MTMR3: variants seen among roughly 807,000 people sequenced by gnomAD.
MTMR3 encodes myotubularin related protein 3.
In MTMR3, 32 loss-of-function variants were observed where a neutral mutation model predicts 132.4. The observed-to-expected ratio is 0.24, with a 90% confidence interval of 0.18 to 0.32. The LOEUF is 0.32. Ranked by LOEUF, MTMR3 falls within the 10% of genes least tolerant of loss-of-function variation. The probability of loss-of-function intolerance (pLI) is 1.00; values close to 1 mark genes in which losing one functional copy is unlikely to be tolerated. For synonymous variants in MTMR3, 556 were observed against 550.3 expected (o/e 1.01, Z -0.14); for missense variants, 1,216 against 1,489.6 (o/e 0.82, Z 3.02).
At chr22:29,908,888 TTTAA>T (rs565701400) in intron 1 of MTMR3, among the ~76,000 whole-genome samples, 1 of 152,210 alleles carries the variant, frequency 6.6e-6, no homozygotes, top group South Asian at 2.1e-4. Context: ...CTGTCATTTA[TTTAA>T]TACATGTTTT....
intron 3 of MTMR3, among the ~76,000 whole-genome samples, chr22:29,972,657 A>AC (rs2066558345): frequency 6.6e-6 from 1 of 152,082 alleles, no homozygotes; most frequent in African/African-American, 2.4e-5. Context: ...TGCAACCTCC[A>AC]CCTACTGGGT....
chr22:30,003,280 T>C (rs1004435663), intron 9 of MTMR3: 1 of 253,954 alleles, frequency 3.9e-6, no homozygotes, highest in African/African-American at 2.2e-5. Flanking sequence ...GAGAAGATAA[T>C]GTGCTTACTA....
intron 16 of MTMR3, 178 bp from the exon 17 acceptor site, chr22:30,019,302 G>A: frequency 1.6e-6 from 1 of 617,828 alleles, no homozygotes. Flanking sequence ...ACACTAGGAG[G>A]ACTTGTTCCG....
chr22:29,888,765 A>G (rs2064729348), intron 1 of MTMR3, among the ~76,000 whole-genome samples: 1 of 132,080 alleles, frequency 7.6e-6, no homozygotes, highest in Non-Finnish European at 1.6e-5. Context: ...TTATTAGTTA[A>G]TACTTTTTTT....
chr22:29,930,686 T>C (rs1380631298), intron 1 of MTMR3, among the ~76,000 whole-genome samples: 2 of 145,540 alleles, frequency 1.4e-5, no homozygotes, highest in Admixed American at 6.8e-5. Context: ...AGTGAGAGCC[T>C]GTCTTGAAAG....
At chr22:29,992,827 C>A (rs532126075) in intron 7 of MTMR3, 1 of 152,156 alleles carries the variant, frequency 6.6e-6, no homozygotes, top group Non-Finnish European at 1.5e-5. Context: ...CATTCTTGTT[C>A]TATTAAAATG....
At chr22:29,926,252 C>G (rs1468367156) in intron 1 of MTMR3, among the ~76,000 whole-genome samples, 2 of 152,276 alleles carry the variant, frequency 1.3e-5, no homozygotes, top group East Asian at 1.9e-4. Context: ...GAATAATACT[C>G]CATTGTGTGT....
At chr22:29,895,875 A>G (rs2064883683) in intron 1 of MTMR3, among the ~76,000 whole-genome samples, 1 of 152,198 alleles carries the variant, frequency 6.6e-6, no homozygotes, top group Non-Finnish European at 1.5e-5. Context: ...CTGTTGTTGT[A>G]TAAAATCCAC....
chr22:29,962,062 G>C (rs2066323056), intron 2 of MTMR3, among the ~76,000 whole-genome samples: 2 of 152,178 alleles, frequency 1.3e-5, no homozygotes, highest in African/African-American at 4.8e-5. Flanking sequence ...TGCTAATGAT[G>C]CATTTCTCAA....
At chr22:29,945,061 G>A (rs943378945) in intron 1 of MTMR3, among the ~76,000 whole-genome samples, 1 of 152,168 alleles carries the variant, frequency 6.6e-6, no homozygotes, top group Non-Finnish European at 1.5e-5. Flanking sequence ...CACCCAGGCT[G>A]GAGTGCAGAG....
rs146660735 is a variant in MTMR3 at position 29,887,205 on chromosome 22, A to G, written c.-138+3846A>G. 5.0e-3 allele frequency among the ~76,000 whole-genome samples: 767 copies of G among 152,320 alleles called. 26 individuals are homozygous for G. The highest frequency in any genetic ancestry group is 0.045 in the Admixed American group (686 of 15,286). On this transcript the variant is annotated intron_variant, in intron 1 of 19. Coordinates refer to ENST00000401950, the MANE Select transcript of MTMR3 (RefSeq NM_021090.4). ...TGAAAATTGTAGCATGAAAGTGGGT[A>G]GATAGTAAATCTTGGGTTCAAGCCT...
intron 7 of MTMR3, chr22:29,995,277 A>G (rs943502594): frequency 2.6e-5 from 4 of 152,256 alleles, no homozygotes; most frequent in African/African-American, 9.6e-5. Flanking sequence ...ATAGAAAAGC[A>G]TAATTCCTTT....
At chr22:29,907,951 G>C (rs1251762161) in intron 1 of MTMR3, among the ~76,000 whole-genome samples, 1 of 152,154 alleles carries the variant, frequency 6.6e-6, no homozygotes, top group Non-Finnish European at 1.5e-5. Flanking sequence ...ACTTTGAAAG[G>C]AGTGACCTGT....
chr22:29,884,736 T>C (rs1309876190), intron 1 of MTMR3, among the ~76,000 whole-genome samples: 1 of 152,118 alleles, frequency 6.6e-6, no homozygotes, highest in Non-Finnish European at 1.5e-5. Context: ...CTAATTTTTG[T>C]ATTTTTAGTA....
chr22:29,937,029 C>T (rs2065763032), intron 1 of MTMR3, among the ~76,000 whole-genome samples: 1 of 151,952 alleles, frequency 6.6e-6, no homozygotes, highest in African/African-American at 2.4e-5. Flanking sequence ...AATTTTTTGT[C>T]AAGCACCCCC....
At chr22:29,913,204 C>T (rs1400770501) in intron 1 of MTMR3, among the ~76,000 whole-genome samples, 1 of 152,152 alleles carries the variant, frequency 6.6e-6, no homozygotes, top group Non-Finnish European at 1.5e-5. Flanking sequence ...GCCATGATTG[C>T]ACCACTGCAC....
intron 6 of MTMR3, chr22:29,990,303 C>T (rs533154367): frequency 6.6e-6 from 1 of 152,274 alleles, no homozygotes; most frequent in South Asian, 2.1e-4. Context: ...GTCTTAAATT[C>T]CACAAGTTTT....
intron 5 of MTMR3, chr22:29,980,368 G>A (rs1349737199): frequency 6.6e-6 from 1 of 152,134 alleles, no homozygotes; most frequent in Non-Finnish European, 1.5e-5. Context: ...CTGTCTATCA[G>A]CTAAAGATAC....
At chr22:29,939,611 G>T (rs2065815553) in intron 1 of MTMR3, among the ~76,000 whole-genome samples, 1 of 152,180 alleles carries the variant, frequency 6.6e-6, no homozygotes, top group South Asian at 2.1e-4. Flanking sequence ...TTTCAAGGTA[G>T]ACCTTAGTGA....
Sources: gnomAD v4.1 joint callset for allele counts (sites outside exome capture counted in the v4.1 genomes callset) on GRCh38, gnomAD v4.1.1 for gene constraint, MANE v1.5 for transcripts, NCBI Gene and HGNC (gene_info 2026-07-23, HGNC 2026-07-21) for gene names.